TRABD2B: variants seen among roughly 807,000 people sequenced by gnomAD.
TRABD2B encodes the protein TraB domain containing 2B, also known as metalloprotease TIKI2.
Under a neutral mutation model 40.1 loss-of-function variants are expected in TRABD2B, and 14 were observed. The observed-to-expected ratio is 0.35, with a 90% CI of 0.23 to 0.55. The LOEUF (loss-of-function observed/expected upper bound fraction) is 0.55. Among genes scored for constraint, TRABD2B ranks in the 20% least tolerant of loss-of-function variants. TRABD2B has a pLI of 0.90. For synonymous variants in TRABD2B, 263 were observed against 277.0 expected, an observed-to-expected ratio of 0.95 and a Z score of 0.50; for missense variants, 541 against 648.6, an observed-to-expected ratio of 0.83 and a Z score of 1.80.
At chr1:47,937,678 A>G (rs1645131903) in intron 2 of TRABD2B, among the ~76,000 whole-genome samples, 2 of 151,464 alleles carry the variant, frequency 1.3e-5, no homozygotes, top group African/African-American at 4.8e-5. Context: ...CAGGTAAGAG[A>G]CCCAAGATCC....
At chr1:47,986,850 C>T (rs1046602302) in intron 2 of TRABD2B, among the ~76,000 whole-genome samples, 5 of 152,196 alleles carry the variant, frequency 3.3e-5, no homozygotes, top group Non-Finnish European at 4.4e-5. Flanking sequence ...CTCGGCGAGA[C>T]GGCTTGGCAG....
rs577407617 is a variant in TRABD2B at position 47,842,991 on chromosome 1, T to G, written c.667-41372A>C. ...GTCCTGGGGAGATCTAAGGACCATT[T>G]TAGACAGAGGTAGTGTCATGATGAA... On this transcript the variant is annotated intron_variant, in intron 2 of 6. Coordinates refer to ENST00000606738, the MANE Select transcript of TRABD2B (RefSeq NM_001194986.2). Among the ~76,000 whole-genome samples, 73 of 152,198 alleles carry G rather than the reference T, an allele frequency of 4.8e-4. 1 individual carries two copies. The highest frequency in any genetic ancestry group is 1.7e-3 in the African/African-American group (71 of 41,538).
Position 47,996,841 on chromosome 1 carries a change from C to T in TRABD2B, c.-52G>A. 2 of 1,163,404 alleles carry T rather than the reference C, an allele frequency of 1.7e-6. No individual in the cohort carries two copies. The highest frequency in any genetic ancestry group is 4.0e-5 in the East Asian group (1 of 24,842). 72.1% of individuals were successfully genotyped at this position (1,163,404 alleles called of 1,614,324 possible). Reference sequence around the variant, plus strand: ...GACCCTCCTGGGCGGCGCCCCTCAGCGGGGCGGGGAGCCCCCAGTTGGGCA... The same window carrying T: ...GACCCTCCTGGGCGGCGCCCCTCAGTGGGGCGGGGAGCCCCCAGTTGGGCA... On this transcript the variant is annotated 5_prime_UTR_variant, in exon 1 of 7. Coordinates refer to ENST00000606738, the MANE Select transcript of TRABD2B (RefSeq NM_001194986.2). This position sits in a 1 kb window ranked among gnomAD's most constrained non-coding sequence, Gnocchi z 4.6.
chr1:47,870,689 C>T (rs904753011), intron 2 of TRABD2B, among the ~76,000 whole-genome samples: 2 of 152,210 alleles, frequency 1.3e-5, no homozygotes, highest in African/African-American at 4.8e-5. Context: ...CCTCAAATGG[C>T]TCAGGGTCTA....
At chr1:47,856,172 T>G (rs1404759244) in intron 2 of TRABD2B, among the ~76,000 whole-genome samples, 2 of 152,232 alleles carry the variant, frequency 1.3e-5, no homozygotes, top group Non-Finnish European at 2.9e-5. Context: ...GCTCCCTTTC[T>G]GCCCACCATG....
At chr1:47,982,949 C>T (rs113527422) in intron 2 of TRABD2B, among the ~76,000 whole-genome samples, 5 of 152,174 alleles carry the variant, frequency 3.3e-5, no homozygotes, top group African/African-American at 1.2e-4. Context: ...CCTCACCATG[C>T]GGGTTCTGTA....
At chr1:47,914,647 CTT>C (rs1030318016) in intron 2 of TRABD2B, among the ~76,000 whole-genome samples, 20 of 152,244 alleles carry the variant, frequency 1.3e-4, no homozygotes, top group Non-Finnish European at 2.2e-4. Flanking sequence ...CACTGTGCCT[CTT>C]TCCCTCCATT....
chr1:47,878,342 G>GTA (rs769361857), intron 2 of TRABD2B, among the ~76,000 whole-genome samples: 9 of 152,270 alleles, frequency 5.9e-5, no homozygotes, highest in Non-Finnish European at 1.2e-4. Flanking sequence ...GAACATGTTT[G>GTA]TAAAAATGTT....
At chr1:47,863,933 T>C (rs889443024) in intron 2 of TRABD2B, among the ~76,000 whole-genome samples, 21 of 152,060 alleles carry the variant, frequency 1.4e-4, no homozygotes, top group African/African-American at 5.1e-4. Context: ...AAATTGGCCA[T>C]CAAGCCATGA....
intron 3 of TRABD2B, among the ~76,000 whole-genome samples, chr1:47,797,823 ATT>A (rs1476085609): frequency 1.3e-5 from 2 of 152,162 alleles, no homozygotes; most frequent in East Asian, 3.9e-4. Context: ...GCACAATGAC[ATT>A]TTAAAGAGGA....
At chr1:47,959,551 C>A (rs1421005147) in intron 2 of TRABD2B, among the ~76,000 whole-genome samples, 1 of 152,186 alleles carries the variant, frequency 6.6e-6, no homozygotes, top group African/African-American at 2.4e-5. Context: ...CACAGAAATA[C>A]AAACTACCAT....
At chr1:47,992,517 G>A (rs567702105) in intron 2 of TRABD2B, among the ~76,000 whole-genome samples, 1 of 152,310 alleles carries the variant, frequency 6.6e-6, no homozygotes, top group East Asian at 1.9e-4. Flanking sequence ...TGAGAGTGAT[G>A]GTGGATACCT....
rs76263868 is a variant in TRABD2B, at chr1:47,930,809, C to A, written c.666+63225G>T. 7.2e-3 allele frequency among the ~76,000 whole-genome samples: 1,103 copies of A among 152,214 alleles called. 5 individuals carry two copies. The highest frequency in any genetic ancestry group is 0.011 in the Non-Finnish European group (764 of 68,026). On this transcript the variant is annotated intron_variant, in intron 2 of 6. Transcript: ENST00000606738. ...GTCCCTCCCTTTACAGACAGGCAGA[C>A]TGAGGCCCAGAAAGGAAAAGGGACT...
rs545046701 is a variant in TRABD2B at position 47,840,848 on chromosome 1, T to C, written c.667-39229A>G. 1.2e-4 allele frequency among the ~76,000 whole-genome samples: 19 copies of C among 152,302 alleles called. No individual in the cohort carries two copies. In the East Asian group the frequency reaches 3.7e-3, roughly 29 times the overall value. On this transcript the variant is annotated intron_variant, in intron 2 of 6. Transcript: ENST00000606738. ...TGCTTAAGTTTAAGGATGGAGATTG[T>C]CCTTAAGCTCTGTGGCTGTAGCTCA...
intron 6 of TRABD2B, among the ~76,000 whole-genome samples, chr1:47,770,730 G>C (rs368944906): frequency 3.5e-4 from 53 of 152,364 alleles, no homozygotes; most frequent in African/African-American, 1.2e-3. Context: ...ACTAAATGCA[G>C]TATGTGCCCA....
At chr1:47,937,705 G>A (rs1272635812) in intron 2 of TRABD2B, among the ~76,000 whole-genome samples, 4 of 152,144 alleles carry the variant, frequency 2.6e-5, no homozygotes, top group African/African-American at 9.7e-5. Flanking sequence ...AAGGAGTAGG[G>A]TTCATGGAGG....
At chr1:47,864,446 T>G (rs1295914746) in intron 2 of TRABD2B, among the ~76,000 whole-genome samples, 2 of 152,042 alleles carry the variant, frequency 1.3e-5, no homozygotes, top group Non-Finnish European at 2.9e-5. Flanking sequence ...TCAATGTTGT[T>G]GTAAACCTAA....
intron 2 of TRABD2B, among the ~76,000 whole-genome samples, chr1:47,823,023 A>G (rs1645130614): frequency 6.6e-6 from 1 of 152,214 alleles, no homozygotes; most frequent in Non-Finnish European, 1.5e-5. Context: ...CTAAGTGAAG[A>G]GTGGTGATGG....
chr1:47,990,835 A>G (rs1255139573), intron 2 of TRABD2B, among the ~76,000 whole-genome samples: 9 of 95,544 alleles, frequency 9.4e-5, no homozygotes, highest in South Asian at 3.8e-4. Context: ...ATATATATAT[A>G]AAACGTTGGT....
Sources: gnomAD v4.1 joint callset for allele counts (sites outside exome capture counted in the v4.1 genomes callset) on GRCh38, gnomAD v4.1.1 for gene constraint, Gnocchi (gnomAD v3.1) non-coding constraint, MANE v1.5 for transcripts, NCBI Gene and HGNC (gene_info 2026-07-23, HGNC 2026-07-21) for gene names.